The following DACH2 variants were observed in gnomAD, a reference collection of about 807,000 sequenced individuals.
DACH2 encodes the protein dachshund homolog 2.
In DACH2, 17 loss-of-function variants were observed where a neutral mutation model predicts 35.8. The ratio of observed to expected loss-of-function variants is 0.48; its 90% CI spans 0.33 to 0.71. The LOEUF (loss-of-function observed/expected upper bound fraction) is 0.71. Among genes scored for constraint, DACH2 ranks in the 30% least tolerant of loss-of-function variants. The pLI, the probability that DACH2 is intolerant of heterozygous loss-of-function variation, is 0.02. For missense variants in DACH2, 469 were observed against 472.7 expected (o/e 0.99, Z 0.07); for synonymous variants, 195 against 177.3 (o/e 1.10, Z -0.79).
At chrX:86,741,413 T>G (rs755473821) in intron 7 of DACH2, among the ~76,000 whole-genome samples, 3 of 111,769 alleles carry the variant, frequency 2.7e-5, no homozygotes, top group Non-Finnish European at 5.6e-5. Context: ...ATTCACTTGG[T>G]CTGGAATAGA....
At chrX:86,777,105 C>T (rs1270999817) in intron 7 of DACH2, among the ~76,000 whole-genome samples, 1 of 111,406 alleles carries the variant, frequency 9.0e-6, no homozygotes, top group Non-Finnish European at 1.9e-5. Flanking sequence ...ATATACCCAG[C>T]AATGGGATGG....
intron 1 of DACH2, among the ~76,000 whole-genome samples, chrX:86,254,807 TAGAG>T (rs755869488): frequency 3.6e-3 from 177 of 49,634 alleles, no homozygotes; most frequent in South Asian, 5.4e-3. Context: ...TATATATATA[TAGAG>T]AGAGAGAGAG....
chrX:86,453,000 G>A (rs913180458), intron 2 of DACH2, among the ~76,000 whole-genome samples: 1 of 111,504 alleles, frequency 9.0e-6, no homozygotes, highest in Non-Finnish European at 1.9e-5. Context: ...GCATCCCAGA[G>A]ATTCTGGTAT....
At chrX:86,770,995 T>G (rs771015182) in intron 7 of DACH2, among the ~76,000 whole-genome samples, 23 of 112,864 alleles carry the variant, frequency 2.0e-4, no homozygotes, top group Non-Finnish European at 4.1e-4. Flanking sequence ...ATTTGGGGGG[T>G]TTTGGTGACG....
At chrX:86,639,184 G>A (rs749367294) in intron 3 of DACH2, among the ~76,000 whole-genome samples, 2 of 111,775 alleles carry the variant, frequency 1.8e-5, no homozygotes, top group Admixed American at 1.9e-4. Flanking sequence ...CATTGGAATT[G>A]ATCCAGGAAA....
At chrX:86,295,470 C>A (rs2034431361) in intron 1 of DACH2, among the ~76,000 whole-genome samples, 1 of 111,762 alleles carries the variant, frequency 8.9e-6, no homozygotes, top group Admixed American at 9.4e-5. Flanking sequence ...TCTCTGGGCC[C>A]AGTTTAACAC....
chrX:86,631,831 C>T (rs1484368410), intron 3 of DACH2, among the ~76,000 whole-genome samples: 1 of 111,355 alleles, frequency 9.0e-6, no homozygotes, highest in Non-Finnish European at 1.9e-5. Flanking sequence ...TGCAAGCCAT[C>T]ATTTTTTTTT....
intron 1 of DACH2, among the ~76,000 whole-genome samples, chrX:86,150,754 T>C (rs776983884): frequency 3.0e-4 from 34 of 112,073 alleles, no homozygotes; most frequent in Non-Finnish European, 6.0e-4. Context: ...TACAAAGCAT[T>C]TTATTAGTAC....
chrX:86,318,170 A>G (rs1312425480), intron 1 of DACH2, among the ~76,000 whole-genome samples: 2 of 112,184 alleles, frequency 1.8e-5, no homozygotes, highest in African/African-American at 3.2e-5. Context: ...TTACAGGAGT[A>G]TACCTTACTT....
At chrX:86,771,598 A>T (rs2041988311) in intron 7 of DACH2, among the ~76,000 whole-genome samples, 1 of 112,000 alleles carries the variant, frequency 8.9e-6, no homozygotes, top group African/African-American at 3.2e-5. Context: ...TTGCTATTTG[A>T]TTGACAACCT....
At chrX:86,261,103 C>T (rs891318094) in intron 1 of DACH2, among the ~76,000 whole-genome samples, 1 of 112,091 alleles carries the variant, frequency 8.9e-6, no homozygotes, top group East Asian at 2.8e-4. Flanking sequence ...AGCTATTTCA[C>T]ATGTTCAGAG....
rs1425346412 is a variant in DACH2, at chrX:86,401,229, AG to A, written c.527+24368del. ...TGCCATTTGTTAAGCCCGTTGGAAA[AG>A]CACAGTATTAGGGTGGGAGTGACCC... On this transcript the variant is annotated intron_variant, in intron 2 of 11. Coordinates refer to ENST00000373125, the MANE Select transcript of DACH2 (RefSeq NM_053281.3). Among the ~76,000 whole-genome samples, 4 of 112,442 alleles carry A rather than the reference AG, an allele frequency of 3.6e-5. No homozygotes were observed. In the East Asian group the frequency reaches 1.1e-3, roughly 32 times the overall value.
intron 2 of DACH2, among the ~76,000 whole-genome samples, chrX:86,508,330 G>T (rs1368981226): frequency 2.7e-5 from 3 of 110,671 alleles, no homozygotes; most frequent in Non-Finnish European, 5.7e-5. Flanking sequence ...AGGCCGAGGC[G>T]GGCGGATCAC....
chrX:86,454,088 A>C (rs1298335878), intron 2 of DACH2, among the ~76,000 whole-genome samples: 3 of 111,439 alleles, frequency 2.7e-5, no homozygotes, highest in Non-Finnish European at 5.6e-5. Flanking sequence ...TTTCTTTAAA[A>C]ATTTGAATAG....
intron 4 of DACH2, among the ~76,000 whole-genome samples, chrX:86,691,135 G>C (rs2041005514): frequency 1.8e-5 from 2 of 111,539 alleles, no homozygotes; most frequent in South Asian, 7.4e-4. Flanking sequence ...TGTTAAAAAT[G>C]CTGTTCAGTT....
At chrX:86,656,029 T>TCCCCC (rs66532210) in intron 4 of DACH2, among the ~76,000 whole-genome samples, 1 of 81,638 alleles carries the variant, frequency 1.2e-5, no homozygotes, top group Non-Finnish European at 2.4e-5. Flanking sequence ...GAAATAAAGC[T>TCCCCC]CCCCCCCCCC....
intron 3 of DACH2, among the ~76,000 whole-genome samples, chrX:86,553,900 A>C (rs989862759): frequency 3.6e-5 from 4 of 111,272 alleles, no homozygotes; most frequent in African/African-American, 9.8e-5. Context: ...TAGGGAAAAA[A>C]ACTCCACAAC....
chrX:86,455,145 C>G (rs2037452164), intron 2 of DACH2, among the ~76,000 whole-genome samples: 1 of 110,304 alleles, frequency 9.1e-6, no homozygotes, highest in African/African-American at 3.3e-5. Flanking sequence ...GCAACCTGTT[C>G]CTTCCTTTGG....
chrX:86,572,627 A>G (rs753473578), intron 3 of DACH2, among the ~76,000 whole-genome samples: 1 of 111,704 alleles, frequency 9.0e-6, no homozygotes, highest in African/African-American at 3.2e-5. Flanking sequence ...AGCATTTAGT[A>G]TTTAGATATT....
Sources: allele counts gnomAD v4.1 joint callset (sites outside exome capture counted in the v4.1 genomes callset), GRCh38; gene constraint gnomAD v4.1.1; transcripts MANE v1.5; gene names NCBI Gene and HGNC (gene_info 2026-07-23, HGNC 2026-07-21).